The following PCDHA3 variants were observed in gnomAD, a reference collection of about 807,000 sequenced individuals.
The protein encoded by PCDHA3 is protocadherin alpha 3.
Under a neutral mutation model 62.2 loss-of-function variants are expected in PCDHA3, and 41 were observed. The observed-to-expected ratio is 0.66, with a 90% confidence interval of 0.51 to 0.86. The LOEUF (loss-of-function observed/expected upper bound fraction) is 0.86, where lower values mean the gene tolerates loss of function less well. Ranked by LOEUF, PCDHA3 falls within the 40% of genes least tolerant of loss-of-function variation. The pLI, the probability that PCDHA3 is intolerant of heterozygous loss-of-function variation, is 0.00. For synonymous variants in PCDHA3, 640 were observed against 555.4 expected, an observed-to-expected ratio of 1.15 and a Z score of -2.14; for missense variants, 1,304 against 1,241.2, an observed-to-expected ratio of 1.05 and a Z score of -0.76.
chr5:140,869,501 T>A (rs200485559), intron 1 of PCDHA3: 1 of 1,614,192 alleles, frequency 6.2e-7, no homozygotes, highest in Admixed American at 1.7e-5. Flanking sequence ...CCGCCGGTGT[T>A]CTCGCTCAGA....
intron 1 of PCDHA3, chr5:140,822,752 C>T (rs200831175): frequency 3.1e-6 from 5 of 1,613,700 alleles, no homozygotes; most frequent in Middle Eastern, 1.6e-4. Flanking sequence ...GATAAAAGTA[C>T]ATTCCCATTA....
At chr5:140,949,663 T>C (rs1038571728) in intron 1 of PCDHA3, among the ~76,000 whole-genome samples, 2 of 151,872 alleles carry the variant, frequency 1.3e-5, no homozygotes, top group Non-Finnish European at 3.0e-5. Flanking sequence ...TTTGTTTCTT[T>C]AAAGTATGCC....
intron 1 of PCDHA3, chr5:140,830,284 G>C (rs2150184332): frequency 6.2e-7 from 1 of 1,613,852 alleles, no homozygotes; most frequent in Admixed American, 1.7e-5. Context: ...CCGAGGGCGC[G>C]TGCACGGCGG....
intron 1 of PCDHA3, chr5:140,881,297 C>T: frequency 4.3e-6 from 4 of 940,924 alleles, no homozygotes; most frequent in Non-Finnish European, 5.1e-6. Flanking sequence ...AAAATGGAAA[C>T]TTTAACCTCC....
chr5:140,842,480 T>C (rs1554139085), intron 1 of PCDHA3: 2 of 1,613,826 alleles, frequency 1.2e-6, no homozygotes, highest in Non-Finnish European at 1.7e-6. Flanking sequence ...GCAGGTGACC[T>C]GCTCCCTGAT....
intron 1 of PCDHA3, among the ~76,000 whole-genome samples, chr5:140,833,426 G>T (rs1488860880): frequency 1.3e-5 from 2 of 152,166 alleles, no homozygotes; most frequent in Admixed American, 6.5e-5. Flanking sequence ...ATGTGAGATG[G>T]CTGAGCACTG....
Position 140,830,107 on chromosome 5 carries a change from T to C in PCDHA3, c.2394+26516T>C, listed in dbSNP as rs2150181234. The C allele has an allele frequency of 3.1e-6, 5 of 1,612,600 alleles. No homozygotes were observed. The East Asian group carries it at 6.7e-5, about 22-fold the overall frequency. On this transcript the variant is annotated intron_variant, in intron 1 of 3. Transcript: ENST00000522353. ...CGGTTCTGGTGTCGCTGGTGGAGAG[T>C]GGCCAGGCTCCAAAGGCGTCATCAC... is the stretch of plus-strand genomic sequence containing the variant.
At chr5:140,986,862 G>A (rs1441287999) in intron 3 of PCDHA3, among the ~76,000 whole-genome samples, 2 of 152,068 alleles carry the variant, frequency 1.3e-5, no homozygotes, top group East Asian at 1.9e-4. Flanking sequence ...AACAATACCC[G>A]GAAACTTGTT....
intron 1 of PCDHA3, among the ~76,000 whole-genome samples, chr5:140,965,923 G>T (rs1418904178): frequency 1.3e-5 from 2 of 152,232 alleles, no homozygotes; most frequent in African/African-American, 4.8e-5. Context: ...TTTTAGGCTT[G>T]CTCCCGGAAA....
intron 1 of PCDHA3, chr5:140,830,083 G>T (rs141570762): frequency 1.2e-5 from 19 of 1,613,578 alleles, no homozygotes; most frequent in Non-Finnish European, 1.4e-5. Flanking sequence ...CGACGGCCAC[G>T]GTTCTGGTGT....
chr5:140,917,585 T>C (rs1204000344), intron 1 of PCDHA3, among the ~76,000 whole-genome samples: 1 of 152,244 alleles, frequency 6.6e-6, no homozygotes, highest in Non-Finnish European at 1.5e-5. Context: ...TTTTTGTTCA[T>C]GCTGAAAGGA....
At chr5:140,969,249 ACAG>A in intron 1 of PCDHA3, 1 of 1,614,240 alleles carries the variant, frequency 6.2e-7, no homozygotes, top group Non-Finnish European at 8.5e-7. Flanking sequence ...GCAGTGACTG[ACAG>A]CAGGAATCTC....
chr5:140,858,354 C>A lies in PCDHA3; in HGVS notation c.2394+54763C>A, dbSNP rs782580844. On this transcript the variant is annotated intron_variant, in intron 1 of 3. Coordinates refer to ENST00000522353, the MANE Select transcript of PCDHA3 (RefSeq NM_018906.3). ...GGCCTGCCCAAGGCGGACCTCATGG[C>A]CTTCAGCCCCAGCCTTCCACCATGC... is the stretch of plus-strand genomic sequence containing the variant. 66 of 1,593,208 alleles carry A rather than the reference C, an allele frequency of 4.1e-5. 1 individual carries two copies. In the East Asian group the frequency reaches 1.4e-3, roughly 34 times the overall value.
At position 140,928,478 on chromosome 5, in the gene PCDHA3, A is replaced by T. The variant is rs1554205922; in HGVS notation, c.2395-50471A>T. Reference sequence around the variant, plus strand: ...TTTCATTTCCAAGTAGAAGGCCGGGATGGTGGCATTCCTCCCAGAAGTGCA... The same window carrying T: ...TTTCATTTCCAAGTAGAAGGCCGGGTTGGTGGCATTCCTCCCAGAAGTGCA... On this transcript the variant is annotated intron_variant, in intron 1 of 3. Coordinates refer to ENST00000522353, the MANE Select transcript of PCDHA3 (RefSeq NM_018906.3). 2.5e-5 allele frequency: 40 copies of T among 1,614,132 alleles called. No individual in the cohort carries two copies. The highest frequency in any genetic ancestry group is 3.3e-5 in the Non-Finnish European group (39 of 1,180,008).
chr5:140,974,544 T>C (rs1393611069), intron 1 of PCDHA3, among the ~76,000 whole-genome samples: 1 of 152,232 alleles, frequency 6.6e-6, no homozygotes, highest in Non-Finnish European at 1.5e-5. Context: ...GGAGTTTTGC[T>C]CTTGTTGCCC....
chr5:140,966,850 CCTGCTGCTGTTG>C (rs1409933796), intron 1 of PCDHA3: 1 of 1,572,784 alleles, frequency 6.4e-7, no homozygotes, highest in Non-Finnish European at 8.6e-7. Context: ...TACTGCCTCT[CCTGCTGCTGTTG>C]CTGCTGCTGC....
chr5:140,929,205 G>A (rs201292001), intron 1 of PCDHA3: 14 of 1,614,120 alleles, frequency 8.7e-6, no homozygotes, highest in Non-Finnish European at 1.2e-5. Flanking sequence ...GTTTGCTGTT[G>A]CGTGGGGAGT....
intron 1 of PCDHA3, among the ~76,000 whole-genome samples, chr5:140,950,128 A>T (rs1488144119): frequency 6.6e-6 from 1 of 151,920 alleles, no homozygotes; most frequent in Non-Finnish European, 1.5e-5. Flanking sequence ...AACCCACAAG[A>T]CACAGTTATA....
chr5:140,916,864 T>A (rs2077768356), intron 1 of PCDHA3, among the ~76,000 whole-genome samples: 1 of 152,156 alleles, frequency 6.6e-6, no homozygotes, highest in African/African-American at 2.4e-5. Flanking sequence ...AGGAGTTACC[T>A]AGGAATTGCA....
Sources: allele counts gnomAD v4.1 joint callset (sites outside exome capture counted in the v4.1 genomes callset), GRCh38; gene constraint gnomAD v4.1.1; transcripts MANE v1.5; gene names NCBI Gene and HGNC (gene_info 2026-07-23, HGNC 2026-07-21).